The following CSMD3 variants were observed in gnomAD, a reference collection of about 807,000 sequenced individuals.
The protein encoded by CSMD3 is CUB and sushi domain-containing protein 3.
A neutral mutation model predicts 435.2 loss-of-function variants in CSMD3; 177 were observed. The ratio of observed to expected loss-of-function variants is 0.41; its 90% confidence interval spans 0.36 to 0.46. The LOEUF is 0.46. Among genes scored for constraint, CSMD3 ranks in the 20% least tolerant of loss-of-function variants. CSMD3 has a pLI of 0.34. For missense variants in CSMD3, 4,265 were observed against 4,504.6 expected (o/e 0.95, Z 1.52); for synonymous variants, 1,656 against 1,520.5 (o/e 1.09, Z -2.07).
At chr8:113,401,079 T>C (rs1175170426) in intron 1 of CSMD3, among the ~76,000 whole-genome samples, 1 of 151,640 alleles carries the variant, frequency 6.6e-6, no homozygotes, top group Non-Finnish European at 1.5e-5. Context: ...ACAATGAAGA[T>C]AAAAAGAAAA....
intron 32 of CSMD3, among the ~76,000 whole-genome samples, chr8:112,425,115 A>G (rs141249918): frequency 1.3e-5 from 2 of 152,320 alleles, no homozygotes; most frequent in East Asian, 3.9e-4. Context: ...TGATGCTGGA[A>G]CCCAACTAGT....
chr8:112,366,549 C>T (rs553652786), intron 38 of CSMD3, among the ~76,000 whole-genome samples: 19 of 152,134 alleles, frequency 1.2e-4, no homozygotes, highest in Non-Finnish European at 2.4e-4. Flanking sequence ...AAGTGCATGA[C>T]AGTATGCCTG....
intron 63 of CSMD3, among the ~76,000 whole-genome samples, chr8:112,251,145 C>T (rs16883307): frequency 0.03 from 4,522 of 151,658 alleles, 235 homozygotes; most frequent in African/African-American, 0.1. Flanking sequence ...CTGGAGTATC[C>T]AGCATGGGTC....
At chr8:112,386,970 T>C (rs1830031082) in intron 36 of CSMD3, among the ~76,000 whole-genome samples, 1 of 152,202 alleles carries the variant, frequency 6.6e-6, no homozygotes, top group Non-Finnish European at 1.5e-5. Flanking sequence ...TTAGATTATA[T>C]AAAATCACGA....
intron 13 of CSMD3, among the ~76,000 whole-genome samples, chr8:112,690,998 C>G (rs971791902): frequency 2.6e-5 from 4 of 152,116 alleles, no homozygotes; most frequent in Non-Finnish European, 5.9e-5. Context: ...TAATGTGTAT[C>G]TTTCCAGTTC....
intron 36 of CSMD3, among the ~76,000 whole-genome samples, chr8:112,385,339 G>A (rs190460163): frequency 5.8e-4 from 88 of 152,172 alleles, no homozygotes; most frequent in African/African-American, 2.0e-3. Context: ...ATTCATATAA[G>A]GCACCCTGCA....
chr8:113,227,746 C>T (rs955487578), intron 3 of CSMD3, among the ~76,000 whole-genome samples: 1 of 151,620 alleles, frequency 6.6e-6, no homozygotes, highest in Non-Finnish European at 1.5e-5. Flanking sequence ...TTTTCTGAGG[C>T]CACCCCAGTC....
At chr8:113,011,885 A>T (rs2086267943) in intron 6 of CSMD3, among the ~76,000 whole-genome samples, 1 of 151,802 alleles carries the variant, frequency 6.6e-6, no homozygotes, top group African/African-American at 2.4e-5. Flanking sequence ...TTCTGTAGAC[A>T]TTGTACTAAA....
chr8:112,321,121 T>C (rs1822962928), intron 45 of CSMD3, among the ~76,000 whole-genome samples: 1 of 152,132 alleles, frequency 6.6e-6, no homozygotes, highest in Admixed American at 6.6e-5. Flanking sequence ...CTCATATTCA[T>C]TCAGGAAACA....
At chr8:113,169,337 A>T (rs962880011) in intron 4 of CSMD3, among the ~76,000 whole-genome samples, 2 of 152,132 alleles carry the variant, frequency 1.3e-5, no homozygotes, top group African/African-American at 4.8e-5. Context: ...GCAATAATTT[A>T]CCATACAACA....
chr8:112,305,933 T>C, intron 51 of CSMD3, 74 bp downstream of exon 51: 1 of 1,282,088 alleles, frequency 7.8e-7, no homozygotes, highest in Non-Finnish European at 1.1e-6. Context: ...TTTATAATTC[T>C]AAAATACATA....
At chr8:113,336,742 C>T (rs2094078099) in intron 1 of CSMD3, among the ~76,000 whole-genome samples, 1 of 152,026 alleles carries the variant, frequency 6.6e-6, no homozygotes, top group African/African-American at 2.4e-5. Flanking sequence ...ACCACCCCAG[C>T]AGGAAGCAGA....
chr8:112,986,600 T>C (rs894347819), intron 6 of CSMD3, among the ~76,000 whole-genome samples: 1 of 152,118 alleles, frequency 6.6e-6, no homozygotes, highest in Admixed American at 6.6e-5. Context: ...CCTATATTCA[T>C]TATAAAAATA....
At chr8:112,813,909 C>T (rs549837781) in intron 12 of CSMD3, among the ~76,000 whole-genome samples, 3 of 152,324 alleles carry the variant, frequency 2.0e-5, no homozygotes, top group African/African-American at 7.2e-5. Context: ...CAGGAAAGGC[C>T]AGGCTCCACC....
At chr8:113,313,425 C>T (rs941572188) in intron 2 of CSMD3, 2 of 151,982 alleles carry the variant, frequency 1.3e-5, no homozygotes, top group Non-Finnish European at 2.9e-5. Context: ...GGGTTCACGC[C>T]ATTCTCCTGC....
chr8:112,682,351 TGA>T, intron 16 of CSMD3, 89 bp downstream of exon 16: 1 of 913,802 alleles, frequency 1.1e-6, no homozygotes, highest in Non-Finnish European at 1.8e-6. Flanking sequence ...ATAATGATTA[TGA>T]CAGTCCTGGT....
chr8:113,061,808 C>T (rs1248597151), intron 5 of CSMD3, among the ~76,000 whole-genome samples: 3 of 151,738 alleles, frequency 2.0e-5, no homozygotes, highest in Admixed American at 6.6e-5. Context: ...AAATACATAA[C>T]TTAAATATTG....
intron 1 of CSMD3, among the ~76,000 whole-genome samples, chr8:113,368,181 A>G (rs2094324999): frequency 6.6e-6 from 1 of 152,088 alleles, no homozygotes; most frequent in Admixed American, 6.5e-5. Context: ...CCAAACTTCT[A>G]AAGCAATACT....
intron 10 of CSMD3, 134 bp downstream of exon 10, chr8:112,921,493 A>G (rs1344634109): frequency 2.3e-5 from 18 of 795,000 alleles, no homozygotes; most frequent in Admixed American, 1.2e-4. Context: ...TTCTATAAAT[A>G]TCAATAAATA....
Sources: gnomAD v4.1 joint callset for allele counts (sites outside exome capture counted in the v4.1 genomes callset) on GRCh38, gnomAD v4.1.1 for gene constraint, MANE v1.5 for transcripts, NCBI Gene and HGNC (gene_info 2026-07-23, HGNC 2026-07-21) for gene names.